ZNF563: variants seen among roughly 807,000 people sequenced by gnomAD.
The protein encoded by ZNF563 is zinc finger protein 563.
In ZNF563, 39 loss-of-function variants were observed where a neutral mutation model predicts 48.5. The ratio of observed to expected loss-of-function variants is 0.80; its 90% CI spans 0.62 to 1.05. The LOEUF is 1.05. ZNF563 is among the 50% of genes least tolerant of loss of function. The pLI is 0.00. For missense variants in ZNF563, 538 were observed against 597.0 expected, an observed-to-expected ratio of 0.90 and a Z score of 1.03; for synonymous variants, 168 against 187.9, an observed-to-expected ratio of 0.89 and a Z score of 0.87.
chr19:12,333,210 G>T (rs983996798), intron 1 of ZNF563, among the ~76,000 whole-genome samples: 2 of 152,204 alleles, frequency 1.3e-5, no homozygotes, highest in South Asian at 2.1e-4. Context: ...CTGGGGAGAT[G>T]GGGGGCTGCG....
In ZNF563 at chr19:12,318,054, TG is replaced by T. The variant is rs773121149; in HGVS notation, c.*539del. On this transcript the variant is annotated 3_prime_UTR_variant, in exon 4 of 4. Coordinates refer to ENST00000293725, the MANE Select transcript of ZNF563 (RefSeq NM_145276.3). ...CAGGGTCTGGCTCTGTCGCCCAGGCTGGGGTGCAGTGCATCTTGGCTCACTG... is the reference window on the plus strand; with the variant it reads ...CAGGGTCTGGCTCTGTCGCCCAGGCTGGGTGCAGTGCATCTTGGCTCACTG... 8.3e-4 allele frequency: 130 copies of T among 155,756 alleles called. 1 individual carries two copies. Among genetic ancestry groups the T allele is most frequent in the Admixed American group, 2.8e-3 (43 of 15,566 alleles). The allele number at this position is 155,756 out of a possible 1,614,324, so 9.6% of individuals were successfully genotyped here.
intron 1 of ZNF563, among the ~76,000 whole-genome samples, chr19:12,329,840 A>G (rs1043165792): frequency 3.9e-5 from 6 of 152,242 alleles, no homozygotes; most frequent in Non-Finnish European, 7.3e-5. Flanking sequence ...GCAAATACTT[A>G]TGGAAGAAAT....
chr19:12,330,981 A>G (rs1000752312), intron 1 of ZNF563, among the ~76,000 whole-genome samples: 12 of 152,174 alleles, frequency 7.9e-5, no homozygotes, highest in African/African-American at 2.9e-4. Flanking sequence ...ATTAAAAACA[A>G]AACAACAGCA....
At chr19:12,333,899 C>A (rs1968984007), upstream of ZNF563, among the ~76,000 whole-genome samples, 1 of 152,238 alleles carries the variant, frequency 6.6e-6, no homozygotes, top group African/African-American at 2.4e-5. Context: ...TCCCAGGGAA[C>A]ATTTGCATTT....
Position 12,325,238 on chromosome 19 carries a change from T to C in ZNF563, c.4-2527A>G, listed in dbSNP as rs113468990. ...GGCTCATGCCTGTAATCCCAGCACT[T>C]TGGGAGGCCAAGGCGGGCAGATCAT... is the stretch of plus-strand genomic sequence containing the variant. On this transcript the variant is annotated intron_variant, in intron 1 of 3. Transcript: ENST00000293725. Among the ~76,000 whole-genome samples, 41 of 152,182 alleles carry C rather than the reference T, an allele frequency of 2.7e-4. No homozygotes were observed. In the South Asian group the frequency reaches 7.1e-3, roughly 26 times the overall value.
rs754274439 is a variant in ZNF563, at chr19:12,319,266, A to G, written c.759T>C (p.Tyr253=). ...AGGCTTTAGAACACTGCTTACATTC[A>G]TACGGTTTCTCCCCAGTGTGCATTC... ...HERMHTGEKP[Y]ECKQCSKALP... Residue 253 remains tyrosine (Y), a synonymous_variant, in exon 4 of 4, where the codon TAT becomes TAC. Transcript: ENST00000293725. The G allele has an allele frequency of 3.7e-6, 6 of 1,614,068 alleles. No individual in the cohort carries two copies. The highest frequency in any genetic ancestry group is 3.4e-6 in the Non-Finnish European group (4 of 1,179,974).
Position 12,332,633 on chromosome 19 carries a change from G to A in ZNF563, c.3+847C>T, listed in dbSNP as rs893438229. Among the ~76,000 whole-genome samples, 5 of 152,152 alleles carry A rather than the reference G, an allele frequency of 3.3e-5. No individual in the cohort carries two copies. The East Asian group carries it at 7.7e-4, about 23-fold the overall frequency. ...GACATGGCCTTCTTGCCCAGATAACGCACTTAATTCACAGACTTCCTGCTC... is the reference window on the plus strand; with the variant it reads ...GACATGGCCTTCTTGCCCAGATAACACACTTAATTCACAGACTTCCTGCTC... On this transcript the variant is annotated intron_variant, in intron 1 of 3. Coordinates refer to ENST00000293725, the MANE Select transcript of ZNF563 (RefSeq NM_145276.3).
chr19:12,319,025 C>A lies in ZNF563; in HGVS notation c.1000G>T (p.Asp334Tyr), dbSNP rs771045244. ...FQIHMKRHTGDRPHKCKICGK... is the reference protein window; with the variant it reads ...FQIHMKRHTGYRPHKCKICGK... ...CATATCTTACATTTATGAGGTCGAT[C>A]TCCAGTGTGCCTTTTCATGTGTATC... Residue 334 changes from aspartate (D) to tyrosine (Y), a missense_variant, in exon 4 of 4, where the codon GAT becomes TAT. By Grantham distance (160) the Asp-to-Tyr change is radical. Transcript: ENST00000293725. The A allele has an allele frequency of 6.2e-7, 1 of 1,614,062 alleles. No homozygotes were observed. The highest frequency in any genetic ancestry group is 8.5e-7 in the Non-Finnish European group (1 of 1,180,042).
At chr19:12,322,779 A>G in intron 1 of ZNF563, 68 bp from the exon 2 acceptor site, 1 of 1,440,090 alleles carries the variant, frequency 6.9e-7, no homozygotes, top group South Asian at 1.3e-5. Flanking sequence ...TACTCAGTTC[A>G]TAAACTTCAT....
intron 1 of ZNF563, among the ~76,000 whole-genome samples, chr19:12,329,054 C>T (rs1593000): frequency 0.21 from 32,207 of 152,008 alleles, 3,793 homozygotes; most frequent in African/African-American, 0.31. Flanking sequence ...GAAAGTAAAA[C>T]TCTAAAATCA....
In ZNF563 at chr19:12,333,526, G is replaced by C; in HGVS notation, c.-44C>G. The C allele has an allele frequency of 6.2e-7, 1 of 1,611,722 alleles. No individual in the cohort carries two copies. The highest frequency in any genetic ancestry group is 8.5e-7 in the Non-Finnish European group (1 of 1,178,750). On this transcript the variant is annotated 5_prime_UTR_variant, in exon 1 of 4. Transcript: ENST00000293725. Reference sequence around the variant, plus strand: ...TTCCAGGGTCCTCCCTCTGCCTCCCGCTGCCAGTGCGGGTCCCACTGTGAC... The same window carrying C: ...TTCCAGGGTCCTCCCTCTGCCTCCCCCTGCCAGTGCGGGTCCCACTGTGAC...
At chr19:12,336,377 C>T (rs1599580056), upstream of ZNF563, among the ~76,000 whole-genome samples, 1 of 151,904 alleles carries the variant, frequency 6.6e-6, no homozygotes, top group African/African-American at 2.4e-5. Flanking sequence ...CAGATCACAA[C>T]GTCAGGAGTT....
rs538302983 is a variant in ZNF563, at chr19:12,323,432, G to A, written c.4-721C>T. Among the ~76,000 whole-genome samples the A allele has an allele frequency of 1.5e-3, 231 of 152,312 alleles. 1 individual carries two copies. The highest frequency in any genetic ancestry group is 5.3e-3 in the African/African-American group (221 of 41,574). On this transcript the variant is annotated intron_variant, in intron 1 of 3. Coordinates refer to ENST00000293725, the MANE Select transcript of ZNF563 (RefSeq NM_145276.3). ...TAGATTAATGTATACATGGATCAAT[G>A]GCTTAATGAATAAATAAGTTATCTC...
chr19:12,339,064 G>A, the ZNF563 span, among the ~76,000 whole-genome samples: 1 of 152,146 alleles, frequency 6.6e-6, no homozygotes, highest in Non-Finnish European at 1.5e-5. Flanking sequence ...TCTCTCAGGA[G>A]TTTGGCTATG....
At position 12,319,552 on chromosome 19, in the gene ZNF563, G is replaced by T. The variant is rs767599865; in HGVS notation, c.473C>A (p.Ser158Ter). The T allele has an allele frequency of 1.9e-6, 3 of 1,614,076 alleles. No individual in the cohort carries two copies. The highest frequency in any genetic ancestry group is 1.1e-5 in the South Asian group (1 of 91,076). The change falls in exon 4 of 4, where the codon TCG becomes TAG. Residue 158 changes from serine to a stop codon, truncating the protein, a stop_gained. Transcript: ENST00000293725. LOFTEE classifies it high-confidence loss of function. ...CTTTCCAGTGTGAGGCCTTCCACGC[G>T]ACTGAAAGGAGTGATGGTAACTGAA... ...KAFSYHHSFQSRGRPHTGKKR... is the reference protein window; with the variant it reads ...KAFSYHHSFQ
intron 1 of ZNF563, among the ~76,000 whole-genome samples, chr19:12,329,952 C>A (rs1179185596): frequency 6.7e-6 from 1 of 150,012 alleles, no homozygotes; most frequent in East Asian, 1.9e-4. Context: ...CGGAGTTTTG[C>A]TCTTGTTGCC....
chr19:12,328,832 T>C (rs1354447266), intron 1 of ZNF563, among the ~76,000 whole-genome samples: 2 of 151,560 alleles, frequency 1.3e-5, no homozygotes, highest in Non-Finnish European at 2.9e-5. Context: ...TGTAATCAGA[T>C]TATAAACCAA....
At chr19:12,322,486 A>G in intron 2 of ZNF563, 99 bp downstream of exon 2, 3 of 1,303,456 alleles carry the variant, frequency 2.3e-6, no homozygotes, top group Non-Finnish European at 3.1e-6. Context: ...TCAAGAGTCC[A>G]TCATATGCCC....
chr19:12,340,396 C>T, the ZNF563 span, among the ~76,000 whole-genome samples: 12 of 152,202 alleles, frequency 7.9e-5, no homozygotes, highest in African/African-American at 2.9e-4. Context: ...CACAGCTACT[C>T]AGGAGACTGA....
Sources: allele counts gnomAD v4.1 joint callset (sites outside exome capture counted in the v4.1 genomes callset), GRCh38; gene constraint gnomAD v4.1.1; transcripts MANE v1.5; gene names NCBI Gene and HGNC (gene_info 2026-07-23, HGNC 2026-07-21).